Variants in NSD2 observed in about 807,000 individuals in gnomAD.
NSD2 encodes the protein histone-lysine N-methyltransferase NSD2.
NSD2 carries 12 observed loss-of-function variants against 139.0 expected under a neutral mutation model. That is an observed-to-expected ratio of 0.09 (90% CI 0.06 to 0.14). The LOEUF (loss-of-function observed/expected upper bound fraction) is 0.14, where lower values mean the gene tolerates loss of function less well. Among genes scored for constraint, NSD2 ranks in the 10% least tolerant of loss-of-function variants. The pLI, the probability that NSD2 is intolerant of heterozygous loss-of-function variation, is 1.00. For missense variants in NSD2, 1,155 were observed against 1,745.0 expected (o/e 0.66, Z 6.02); for synonymous variants, 669 against 648.7 (o/e 1.03, Z -0.48).
intron 3 of NSD2, among the ~76,000 whole-genome samples, chr4:1,909,417 C>T (rs1406367945): frequency 3.9e-5 from 6 of 152,134 alleles, no homozygotes; most frequent in Non-Finnish European, 7.3e-5. Context: ...GGTCTCCAAG[C>T]AGTGCTGAGC....
intron 3 of NSD2, among the ~76,000 whole-genome samples, chr4:1,916,633 C>T (rs1395189347): frequency 6.6e-6 from 1 of 152,202 alleles, no homozygotes; most frequent in South Asian, 2.1e-4. Context: ...TGAGGGACTG[C>T]GCCTGGCCTG....
chr4:1,980,793 T>C lies in NSD2; in HGVS notation c.*1884T>C, dbSNP rs1409711032. On this transcript the variant is annotated 3_prime_UTR_variant, in exon 22 of 22. Transcript: ENST00000508803. ...TGGCCTCTGAGGGGCACTCGCCGGTTAAGACAGGGTGGGAGTAGTGCTTTC... is the reference window on the plus strand; with the variant it reads ...TGGCCTCTGAGGGGCACTCGCCGGTCAAGACAGGGTGGGAGTAGTGCTTTC... The C allele has an allele frequency of 4.3e-6, 1 of 233,212 alleles. No homozygotes were observed. The highest frequency in any genetic ancestry group is 8.5e-6 in the Non-Finnish European group (1 of 118,054). The allele number at this position is 233,212 out of a possible 1,614,324, so 14.4% of individuals were successfully genotyped here. A position where few individuals can be genotyped will look rare whatever the true frequency, so the allele number is the denominator to read the frequency against.
chr4:1,891,667 A>G (rs1347275272), intron 1 of NSD2, among the ~76,000 whole-genome samples: 2 of 152,028 alleles, frequency 1.3e-5, no homozygotes, highest in South Asian at 2.1e-4. Flanking sequence ...CCTGGCTAAC[A>G]TGGTGAAACC....
intron 16 of NSD2, 75 bp from the exon 17 acceptor site, chr4:1,959,396 A>G: frequency 1.3e-6 from 2 of 1,548,080 alleles, no homozygotes; most frequent in Non-Finnish European, 1.8e-6. Flanking sequence ...GGGTAAGGAG[A>G]GGCAGTGGTG....
rs1307943942 is a variant in NSD2 at position 1,982,166 on chromosome 4, T to C, written c.*3257T>C. 2.6e-6 allele frequency: 1 copy of C among 385,902 alleles called. No individual in the cohort carries two copies. Among genetic ancestry groups the C allele is most frequent in the Non-Finnish European group, 4.6e-6 (1 of 218,854 alleles). The allele number at this position is 385,902 out of a possible 1,614,324, so 23.9% of individuals were successfully genotyped here. A position where few individuals can be genotyped will look rare whatever the true frequency, so the allele number is the denominator to read the frequency against. On this transcript the variant is annotated 3_prime_UTR_variant, in exon 22 of 22. Coordinates refer to ENST00000508803, the MANE Select transcript of NSD2 (RefSeq NM_001042424.3). ...GTGTTTGGAAAATTGTGTATGAGTA[T>C]TTTTGTATTAAAAACATTTTAAAGG...
At position 1,948,314 on chromosome 4, in the gene NSD2, C is replaced by T. The variant is rs987549471; in HGVS notation, c.1882-2758C>T. On this transcript the variant is annotated intron_variant, in intron 9 of 21. Coordinates refer to ENST00000508803, the MANE Select transcript of NSD2 (RefSeq NM_001042424.3). The surrounding 1 kb of genome is among the most constrained non-coding windows in gnomAD (Gnocchi z 4.5). ...GCATCTCGTTGGATATGGAATAGATCGTAGATGTTGTAGACTGAGATTTGG... is the reference window on the plus strand; with the variant it reads ...GCATCTCGTTGGATATGGAATAGATTGTAGATGTTGTAGACTGAGATTTGG... The T allele has an allele frequency of 3.5e-5, 37 of 1,065,448 alleles. No homozygotes were observed. The highest frequency in any genetic ancestry group is 3.0e-4 in the African/African-American group (18 of 60,966). The allele number at this position is 1,065,448 out of a possible 1,614,324, so 66.0% of individuals were successfully genotyped here.
At chr4:1,931,789 G>A (rs560982927) in intron 6 of NSD2, among the ~76,000 whole-genome samples, 46 of 152,180 alleles carry the variant, frequency 3.0e-4, no homozygotes, top group African/African-American at 1.1e-3. Context: ...ATTTAGAATA[G>A]CAAGGATATT....
At position 1,930,908 on chromosome 4, in the gene NSD2, A is replaced by C. The variant is rs556899358; in HGVS notation, c.1555+138A>C. On this transcript the variant is annotated intron_variant, in intron 6 of 21. Transcript: ENST00000508803. ...CCCGTGGGGTTTGGGCCAGCGGTCC[A>C]AGTGCGTGTGGTCACAGTAAAAACA... 6 of 1,094,326 alleles carry C rather than the reference A, an allele frequency of 5.5e-6. No homozygotes were observed. The East Asian group carries it at 1.5e-4, about 28-fold the overall frequency. 67.8% of individuals were successfully genotyped at this position (1,094,326 alleles called of 1,614,324 possible). A position where few individuals can be genotyped will look rare whatever the true frequency, so the allele number is the denominator to read the frequency against.
intron 3 of NSD2, among the ~76,000 whole-genome samples, chr4:1,914,789 T>C (rs1323194391): frequency 1.3e-5 from 2 of 152,218 alleles, no homozygotes; most frequent in African/African-American, 4.8e-5. Context: ...ATTCTTCACA[T>C]ACCTTGCTAT....
chr4:1,873,353 A>G (rs1714008497), intron 1 of NSD2, among the ~76,000 whole-genome samples: 1 of 152,222 alleles, frequency 6.6e-6, no homozygotes, highest in Non-Finnish European at 1.5e-5. Flanking sequence ...AGAATGATGG[A>G]CAATTTATCG....
At chr4:1,916,803 C>T (rs1164942446) in intron 3 of NSD2, 68 bp from the exon 4 acceptor site, 1 of 1,484,242 alleles carries the variant, frequency 6.7e-7, no homozygotes, top group Non-Finnish European at 9.1e-7. Flanking sequence ...TGCAAAATAG[C>T]AGTAGATTTG....
intron 18 of NSD2, among the ~76,000 whole-genome samples, chr4:1,963,761 C>T (rs1725597363): frequency 6.6e-6 from 1 of 152,206 alleles, no homozygotes; most frequent in African/African-American, 2.4e-5. Context: ...CGCCTGTAAT[C>T]CCAGCACTTT....
rs955260020 is a variant in NSD2 at position 1,901,323 on chromosome 4, T to A, written c.597+72T>A. 20 of 1,323,930 alleles carry A rather than the reference T, an allele frequency of 1.5e-5. No individual in the cohort carries two copies. In the Admixed American group the frequency reaches 4.1e-4, roughly 27 times the overall value. The allele number at this position is 1,323,930 out of a possible 1,614,324, so 82.0% of individuals were successfully genotyped here. A position where few individuals can be genotyped will look rare whatever the true frequency, so the allele number is the denominator to read the frequency against. Reference sequence around the variant, plus strand: ...AGCATGGCCACCCTATGAGGGCACCTGCACGAGTACTGGGGCGGGCGGAGA... The same window carrying A: ...AGCATGGCCACCCTATGAGGGCACCAGCACGAGTACTGGGGCGGGCGGAGA... On this transcript the variant is annotated intron_variant, in intron 2 of 21. Transcript: ENST00000508803.
chr4:1,891,331 A>G (rs1014388873), intron 1 of NSD2, among the ~76,000 whole-genome samples: 3 of 152,194 alleles, frequency 2.0e-5, no homozygotes, highest in Non-Finnish European at 4.4e-5. Context: ...ATATTTGCAA[A>G]CTTGGGTTTT....
Position 1,979,033 on chromosome 4 carries a change from GCCT to G in NSD2, c.*129_*131del, listed in dbSNP as rs1239487528. ...GAGCCGCCAGGACACAGACGTACAG[GCCT>G]CCTCGGGAGGGAGCGCCTCCCCACC... is the stretch of plus-strand genomic sequence containing the variant. On this transcript the variant is annotated 3_prime_UTR_variant, in exon 22 of 22. Transcript: ENST00000508803. 7 of 1,287,790 alleles carry G rather than the reference GCCT, an allele frequency of 5.4e-6. No individual in the cohort carries two copies. The highest frequency in any genetic ancestry group is 2.8e-4 in the Middle Eastern group (1 of 3,576). The allele number at this position is 1,287,790 out of a possible 1,614,324, so 79.8% of individuals were successfully genotyped here.
chr4:1,890,809 G>T (rs1715471376), intron 1 of NSD2, among the ~76,000 whole-genome samples: 1 of 151,870 alleles, frequency 6.6e-6, no homozygotes, highest in Non-Finnish European at 1.5e-5. Flanking sequence ...TGTTGGCCAG[G>T]CTGGTCTCGA....
At chr4:1,881,389 A>G (rs1714682860) in intron 1 of NSD2, among the ~76,000 whole-genome samples, 1 of 152,030 alleles carries the variant, frequency 6.6e-6, no homozygotes, top group African/African-American at 2.4e-5. Context: ...CAGCCTCCCC[A>G]GCAGCTGGGA....
intron 1 of NSD2, among the ~76,000 whole-genome samples, chr4:1,887,856 G>A (rs1365647581): frequency 2.0e-5 from 3 of 151,844 alleles, no homozygotes; most frequent in African/African-American, 7.3e-5. Flanking sequence ...CAAATGAACT[G>A]TATAAAAAGC....
chr4:1,875,841 G>A (rs1036303727), intron 1 of NSD2, among the ~76,000 whole-genome samples: 2 of 151,682 alleles, frequency 1.3e-5, no homozygotes, highest in African/African-American at 2.4e-5. Context: ...CCCAGGAGGC[G>A]GAGCTTGCAG....
Sources: gnomAD v4.1 joint callset for allele counts (sites outside exome capture counted in the v4.1 genomes callset) on GRCh38, gnomAD v4.1.1 for gene constraint, Gnocchi (gnomAD v3.1) non-coding constraint, MANE v1.5 for transcripts, NCBI Gene and HGNC (gene_info 2026-07-23, HGNC 2026-07-21) for gene names.